Variants in MAPRE1 observed in about 807,000 individuals in gnomAD.
MAPRE1 encodes microtubule associated protein RP/EB family member 1.
In MAPRE1, 5 loss-of-function variants were observed where a neutral mutation model predicts 32.1. The observed-to-expected ratio is 0.16, with a 90% confidence interval of 0.08 to 0.33. MAPRE1 has a LOEUF of 0.33. Ranked by LOEUF, MAPRE1 falls within the 10% of genes least tolerant of loss-of-function variation. The pLI is 1.00. For synonymous variants in MAPRE1, 122 were observed against 118.9 expected (o/e 1.03, Z -0.17); for missense variants, 209 against 327.2 (o/e 0.64, Z 2.79).
intron 1 of MAPRE1, among the ~76,000 whole-genome samples, chr20:32,820,776 G>A (rs1323628227): frequency 1.3e-5 from 2 of 151,248 alleles, no homozygotes; most frequent in East Asian, 2.0e-4. Flanking sequence ...CTTCACAGTT[G>A]CCCTCGGATG....
intron 5 of MAPRE1, among the ~76,000 whole-genome samples, chr20:32,840,753 C>T (rs1983335314): frequency 6.6e-6 from 1 of 152,236 alleles, no homozygotes; most frequent in East Asian, 1.9e-4. Flanking sequence ...ATGACCCACA[C>T]TCAGACTTCT....
rs767472263 is a variant in MAPRE1, at chr20:32,846,713, C to T, written c.693C>T (p.Asn231=). The change falls in exon 6 of 7, where the codon AAC becomes AAT. Residue 231 remains asparagine (N), a synonymous_variant. Coordinates refer to ENST00000375571, the MANE Select transcript of MAPRE1 (RefSeq NM_012325.3). ...LRNIELICQE[N]EGENDPVLQR... is the part of the protein sequence containing the mutation. ...ACATTGAATTGATTTGCCAGGAGAA[C>T]GAGGGGGAAAACGACCCTGTATTGC... 15 of 1,613,900 alleles carry T rather than the reference C, an allele frequency of 9.3e-6. No homozygotes were observed. The highest frequency in any genetic ancestry group is 1.6e-4 in the Middle Eastern group (1 of 6,084).
At chr20:32,840,265 A>G (rs1983324827) in intron 5 of MAPRE1, among the ~76,000 whole-genome samples, 1 of 152,178 alleles carries the variant, frequency 6.6e-6, no homozygotes, top group South Asian at 2.1e-4. Flanking sequence ...TGGAACTGGT[A>G]TGAAAAGCCT....
At chr20:32,824,096 G>A (rs1982776358) in intron 1 of MAPRE1, among the ~76,000 whole-genome samples, 1 of 152,186 alleles carries the variant, frequency 6.6e-6, no homozygotes, top group South Asian at 2.1e-4. Flanking sequence ...CGTTGCATAA[G>A]TGGTTGGTAT....
intron 1 of MAPRE1, among the ~76,000 whole-genome samples, chr20:32,824,229 G>A (rs571820808): frequency 6.1e-4 from 93 of 152,382 alleles, no homozygotes; most frequent in Non-Finnish European, 1.0e-3. Flanking sequence ...ACAGTGCCTA[G>A]CACGCGGTAG....
chr20:32,844,041 A>G (rs1167332853), intron 5 of MAPRE1, among the ~76,000 whole-genome samples: 2 of 151,988 alleles, frequency 1.3e-5, no homozygotes, highest in African/African-American at 2.4e-5. Context: ...TTTAGTAGAG[A>G]CAGGGTTTCA....
chr20:32,826,703 A>G (rs905402466), intron 2 of MAPRE1, among the ~76,000 whole-genome samples: 1 of 148,490 alleles, frequency 6.7e-6, no homozygotes, highest in Non-Finnish European at 1.5e-5. Context: ...ATTTTTTTGT[A>G]TTTTTAGTGG....
At chr20:32,842,929 C>T (rs1261638665) in intron 5 of MAPRE1, among the ~76,000 whole-genome samples, 1 of 152,058 alleles carries the variant, frequency 6.6e-6, no homozygotes, top group Non-Finnish European at 1.5e-5. Context: ...CTTCAACAGT[C>T]GAGGTTGGGA....
intron 2 of MAPRE1, among the ~76,000 whole-genome samples, chr20:32,828,828 TTTATAGA>T (rs140962382): frequency 0.01 from 1,544 of 152,350 alleles, 25 homozygotes; most frequent in African/African-American, 0.035. Flanking sequence ...TGTTATATCT[TTTATAGA>T]AACATTTGGA....
At chr20:32,823,405 T>TA (rs59631266) in intron 1 of MAPRE1, among the ~76,000 whole-genome samples, 6,537 of 152,324 alleles carry the variant, frequency 0.043, 402 homozygotes, top group African/African-American at 0.14. Context: ...GTTGCTGTCT[T>TA]ATGAAATGAA....
chr20:32,849,184 A>G lies in MAPRE1; in HGVS notation c.*456A>G, dbSNP rs188810739. ...AAAATATAAAATGTAACATGACAAG[A>G]GATTTTGCGTTTGACATTGTGTCTG... is the stretch of plus-strand genomic sequence containing the variant. On this transcript the variant is annotated 3_prime_UTR_variant, in exon 7 of 7. Coordinates refer to ENST00000375571, the MANE Select transcript of MAPRE1 (RefSeq NM_012325.3). 6.5e-6 allele frequency: 1 copy of G among 153,314 alleles called. No individual in the cohort carries two copies. The highest frequency in any genetic ancestry group is 2.4e-5 in the African/African-American group (1 of 41,436). 9.5% of individuals were successfully genotyped at this position (153,314 alleles called of 1,614,324 possible).
At position 32,825,919 on chromosome 20, in the gene MAPRE1, C is replaced by T. The variant is rs1468024975; in HGVS notation, c.-3-6C>T. 6.3e-7 allele frequency: 1 copy of T among 1,582,898 alleles called. No individual in the cohort carries two copies. Among genetic ancestry groups the T allele is most frequent in the South Asian group, 1.1e-5 (1 of 88,506 alleles). ...CAGGCCCTTCTCTTTTCTTCCCATG[C>T]TTTAGAAGATGGCAGTGAACGTATA... On this transcript the variant is annotated splice_polypyrimidine_tract_variant and splice_region_variant and intron_variant, in intron 1 of 6. Transcript: ENST00000375571.
In MAPRE1 at chr20:32,836,823, C is replaced by T. The variant is rs1295435956; in HGVS notation, c.457C>T (p.Leu153Phe). Residue 153 changes from leucine to phenylalanine, a missense_variant, in exon 4 of 7, where the codon CTC (leucine) becomes TTC (phenylalanine). Leu to Phe is a conservative substitution (Grantham distance 22). Transcript: ENST00000375571. ...AGCTCTGAATAAACCGAAGAAACCTCTCACTTCTAGCAGTGCAGGTAAAAA... is the reference window on the plus strand; with the variant it reads ...AGCTCTGAATAAACCGAAGAAACCTTTCACTTCTAGCAGTGCAGGTAAAAA... ...APALNKPKKP[L>F]TSSSAAPQRP... 6.2e-7 allele frequency: 1 copy of T among 1,610,320 alleles called. No individual in the cohort carries two copies. Among genetic ancestry groups the T allele is most frequent in the Non-Finnish European group, 8.5e-7 (1 of 1,179,160 alleles).
chr20:32,819,806 A>C (rs921285965), upstream of MAPRE1: 1 of 152,122 alleles, frequency 6.6e-6, no homozygotes, highest in African/African-American at 2.4e-5. Flanking sequence ...CCCCTCGGCT[A>C]CCGTTCTGTG....
intron 2 of MAPRE1, among the ~76,000 whole-genome samples, chr20:32,828,291 T>A (rs1465500179): frequency 6.6e-6 from 1 of 152,374 alleles, no homozygotes; most frequent in East Asian, 1.9e-4. Flanking sequence ...CTGTGACTAA[T>A]GTGAGGATGA....
chr20:32,831,782 G>A (rs1020576812), intron 2 of MAPRE1, among the ~76,000 whole-genome samples: 6 of 151,820 alleles, frequency 4.0e-5, no homozygotes, highest in Non-Finnish European at 7.4e-5. Flanking sequence ...TGATCTGCCC[G>A]CCTTGGCCTT....
intron 1 of MAPRE1, among the ~76,000 whole-genome samples, chr20:32,822,572 C>T (rs952670357): frequency 1.3e-5 from 2 of 152,268 alleles, no homozygotes; most frequent in Admixed American, 6.5e-5. Context: ...TGTTAAATAC[C>T]TCTTAAATTT....
intron 6 of MAPRE1, among the ~76,000 whole-genome samples, chr20:32,847,327 G>GT (rs1434686264): frequency 6.6e-6 from 1 of 152,166 alleles, no homozygotes; most frequent in African/African-American, 2.4e-5. Context: ...ATCACGACAT[G>GT]TTAGTTGATC....
chr20:32,844,648 G>A (rs1233940731), intron 5 of MAPRE1, among the ~76,000 whole-genome samples: 2 of 151,858 alleles, frequency 1.3e-5, no homozygotes, highest in Non-Finnish European at 1.5e-5. Context: ...TCTTGACCTC[G>A]TGATCCGCCT....
Sources: gnomAD v4.1 joint callset for allele counts (sites outside exome capture counted in the v4.1 genomes callset) on GRCh38, gnomAD v4.1.1 for gene constraint, MANE v1.5 for transcripts, NCBI Gene and HGNC (gene_info 2026-07-23, HGNC 2026-07-21) for gene names.